MDM4: variants seen among roughly 807,000 people sequenced by gnomAD.
MDM4 encodes MDM4 regulator of p53, also known as protein Mdm4.
A neutral mutation model predicts 60.2 loss-of-function variants in MDM4; 2 were observed. The observed-to-expected ratio is 0.03, with a 90% CI of 0.01 to 0.10. The LOEUF is 0.10. Among genes scored for constraint, MDM4 ranks in the 10% least tolerant of loss-of-function variants. The pLI, the probability that MDM4 is intolerant of heterozygous loss-of-function variation, is 1.00. For missense variants in MDM4, 447 were observed against 577.5 expected (o/e 0.77, Z 2.32); for synonymous variants, 202 against 198.1 (o/e 1.02, Z -0.17).
At chr1:204,523,826 C>G (rs902733320) in intron 1 of MDM4, among the ~76,000 whole-genome samples, 1 of 152,144 alleles carries the variant, frequency 6.6e-6, no homozygotes, top group African/African-American at 2.4e-5. Flanking sequence ...TGAGAGCACA[C>G]CTGAACAAGG....
chr1:204,543,051 T>G, intron 8 of MDM4, 107 bp downstream of exon 8: 3 of 991,918 alleles, frequency 3.0e-6, no homozygotes, highest in Non-Finnish European at 4.5e-6. Context: ...TATTTACTCC[T>G]ATGGCGTTAA....
intron 3 of MDM4, among the ~76,000 whole-genome samples, chr1:204,526,937 A>G (rs1051680348): frequency 1.3e-5 from 2 of 152,138 alleles, no homozygotes; most frequent in Non-Finnish European, 2.9e-5. Flanking sequence ...GTGTTATAAG[A>G]TAAACATAAG....
At chr1:204,536,702 G>A (rs1046810351) in intron 5 of MDM4, among the ~76,000 whole-genome samples, 8 of 152,172 alleles carry the variant, frequency 5.3e-5, no homozygotes, top group Non-Finnish European at 1.2e-4. Flanking sequence ...TCCTTGGAAT[G>A]CATTTCTCTT....
Position 204,530,755 on chromosome 1 carries a change from T to C in MDM4, c.225T>C (p.Tyr75=). The C allele has an allele frequency of 1.2e-6, 2 of 1,614,186 alleles. No homozygotes were observed. Among genetic ancestry groups the C allele is most frequent in the Non-Finnish European group, 1.7e-6 (2 of 1,180,032 alleles). Residue 75 remains tyrosine (Y), a synonymous_variant, in exon 4 of 11, where the codon TAT becomes TAC. Transcript: ENST00000367182. ...LYDQQEQHMV[Y]CGGDLLGELL... is the part of the protein sequence containing the mutation. The stretch of plus-strand genomic sequence containing the variant: ...ATCAGCAGGAGCAGCATATGGTATA[T>C]TGTGGTGGAGATCTTTTGGGAGAAC...
intron 3 of MDM4, chr1:204,529,731 G>A (rs892627539): frequency 6.0e-6 from 3 of 498,884 alleles, no homozygotes; most frequent in African/African-American, 1.9e-5. Context: ...AAGGGGTAAA[G>A]TCTGGATTTT....
rs56047802 is a variant in MDM4 at position 204,551,461 on chromosome 1, CTTTTTTTTT to C, written c.*1800_*1808del. The C allele has an allele frequency of 6.7e-3, 610 of 90,554 alleles. No individual in the cohort carries two copies. Among genetic ancestry groups the C allele is most frequent in the East Asian group, 0.024 (162 of 6,844 alleles). The allele number at this position is 90,554 out of a possible 1,614,324, so 5.6% of individuals were successfully genotyped here. A position where few individuals can be genotyped will look rare whatever the true frequency, so the allele number is the denominator to read the frequency against. On this transcript the variant is annotated 3_prime_UTR_variant, in exon 11 of 11. Coordinates refer to ENST00000367182, the MANE Select transcript of MDM4 (RefSeq NM_002393.5). ...ATACTGGATGGTTGAGAGGCAGCCT[CTTTTTTTTT>C]TTTTTTTTTTTTTTTTTTTTGGAGG...
At chr1:204,528,729 A>G in intron 3 of MDM4, 1 of 680,618 alleles carries the variant, frequency 1.5e-6, no homozygotes, top group Non-Finnish European at 2.6e-6. Flanking sequence ...GCATCAAGCA[A>G]GGGAGAATGT....
Position 204,525,492 on chromosome 1 carries a change from A to T in MDM4, c.-27A>T. On this transcript the variant is annotated 5_prime_UTR_variant, in exon 2 of 11. Transcript: ENST00000367182. ...TTTTTTTTTCTATTTAGTTTTACCAACAGACTGCAGTTTCTTCACTACCAA... is the reference window on the plus strand; with the variant it reads ...TTTTTTTTTCTATTTAGTTTTACCATCAGACTGCAGTTTCTTCACTACCAA... 6.3e-7 allele frequency: 1 copy of T among 1,584,450 alleles called. No homozygotes were observed. The highest frequency in any genetic ancestry group is 8.5e-7 in the Non-Finnish European group (1 of 1,172,420).
At chr1:204,539,366 G>T (rs1661779273) in intron 7 of MDM4, among the ~76,000 whole-genome samples, 1 of 152,052 alleles carries the variant, frequency 6.6e-6, no homozygotes, top group African/African-American at 2.4e-5. Context: ...TAAGAAGCCT[G>T]GTATAAGTTG....
Position 204,553,295 on chromosome 1 carries a change from T to G in MDM4, c.*3613T>G, listed in dbSNP as rs1217122160. The G allele has an allele frequency of 4.7e-6, 1 of 211,990 alleles. No individual in the cohort carries two copies. The highest frequency in any genetic ancestry group is 9.6e-6 in the Non-Finnish European group (1 of 104,458). The allele number at this position is 211,990 out of a possible 1,614,324, so 13.1% of individuals were successfully genotyped here. On this transcript the variant is annotated 3_prime_UTR_variant, in exon 11 of 11. Coordinates refer to ENST00000367182, the MANE Select transcript of MDM4 (RefSeq NM_002393.5). ...GTTTATATGTGAAGTGTTCAGAGTT[T>G]ACTGCTATAAGGAAACTTCCAAATA... is the stretch of plus-strand genomic sequence containing the variant.
rs1663524050 is a variant in MDM4, at chr1:204,556,170, G to T, written c.*6488G>T. 4.5e-6 allele frequency: 1 copy of T among 224,660 alleles called. No homozygotes were observed. Among genetic ancestry groups the T allele is most frequent in the East Asian group, 6.5e-5 (1 of 15,458 alleles). 13.9% of individuals were successfully genotyped at this position (224,660 alleles called of 1,614,324 possible). On this transcript the variant is annotated 3_prime_UTR_variant, in exon 11 of 11. Transcript: ENST00000367182. ...TTCCAAAGTTAATTATCTTATTTCT[G>T]GATATTGCTTTTATACCAAAGACCC...
At chr1:204,517,213 G>A (rs1259470850) in intron 1 of MDM4, among the ~76,000 whole-genome samples, 2 of 150,868 alleles carry the variant, frequency 1.3e-5, no homozygotes, top group East Asian at 3.9e-4. Flanking sequence ...CTGCACTCCA[G>A]CTTGGGCTAC....
intron 2 of MDM4, among the ~76,000 whole-genome samples, chr1:204,525,914 C>T (rs1203094156): frequency 1.3e-5 from 2 of 151,968 alleles, no homozygotes; most frequent in Non-Finnish European, 2.9e-5. Flanking sequence ...GCACCCCAGG[C>T]TGGGCAAGAG....
At chr1:204,522,556 C>T (rs1659673479) in intron 1 of MDM4, among the ~76,000 whole-genome samples, 1 of 151,874 alleles carries the variant, frequency 6.6e-6, no homozygotes, top group Non-Finnish European at 1.5e-5. Flanking sequence ...TGCCACCACA[C>T]CTGGCTAATT....
At position 204,527,159 on chromosome 1, in the gene MDM4, G is replaced by A. The variant is rs188548907; in HGVS notation, c.153+725G>A. ...AAAAAAAAAAAAATACAAAAATTGG[G>A]CGGGCATGGTGGTCTGCTCGTTTAG... On this transcript the variant is annotated intron_variant, in intron 3 of 10. Coordinates refer to ENST00000367182, the MANE Select transcript of MDM4 (RefSeq NM_002393.5). Among the ~76,000 whole-genome samples the A allele has an allele frequency of 4.4e-3, 665 of 151,584 alleles. 2 individuals are homozygous for A. Among genetic ancestry groups the A allele is most frequent in the Non-Finnish European group, 5.4e-3 (365 of 67,892 alleles).
intron 6 of MDM4, chr1:204,537,762 T>A: frequency 1.7e-6 from 1 of 601,378 alleles, no homozygotes; most frequent in Non-Finnish European, 3.0e-6. Flanking sequence ...TGTGTACCTG[T>A]GTGTGTGTGT....
In MDM4 at chr1:204,555,047, G is replaced by A. The variant is rs1663444688; in HGVS notation, c.*5365G>A. 9.2e-6 allele frequency: 2 copies of A among 217,386 alleles called. No individual in the cohort carries two copies. The highest frequency in any genetic ancestry group is 1.8e-5 in the Non-Finnish European group (2 of 108,214). The allele number at this position is 217,386 out of a possible 1,614,324, so 13.5% of individuals were successfully genotyped here. A position where few individuals can be genotyped will look rare whatever the true frequency, so the allele number is the denominator to read the frequency against. ...AGAAAGAGATAGCTAATATTTTTTG[G>A]TACTTTATCTGAAATCCAAGATGCT... On this transcript the variant is annotated 3_prime_UTR_variant, in exon 11 of 11. Coordinates refer to ENST00000367182, the MANE Select transcript of MDM4 (RefSeq NM_002393.5).
intron 2 of MDM4, among the ~76,000 whole-genome samples, chr1:204,525,812 G>A (rs946590603): frequency 1.3e-5 from 2 of 152,086 alleles, no homozygotes; most frequent in Non-Finnish European, 2.9e-5. Context: ...GCAGTGGGGT[G>A]TGCCTTTAGT....
intron 7 of MDM4, among the ~76,000 whole-genome samples, chr1:204,540,565 C>T (rs770299376): frequency 1.2e-4 from 19 of 152,016 alleles, no homozygotes; most frequent in Non-Finnish European, 2.5e-4. Flanking sequence ...GAGTTCGAGA[C>T]CAGCCTGGTC....
Sources: gnomAD v4.1 joint callset for allele counts (sites outside exome capture counted in the v4.1 genomes callset) on GRCh38, gnomAD v4.1.1 for gene constraint, MANE v1.5 for transcripts, NCBI Gene and HGNC (gene_info 2026-07-23, HGNC 2026-07-21) for gene names.